The following MRTFA variants were observed in gnomAD, a reference collection of about 807,000 sequenced individuals.
The protein encoded by MRTFA is myocardin related transcription factor A.
Under a neutral mutation model 83.5 loss-of-function variants are expected in MRTFA, and 20 were observed. That is an observed-to-expected ratio of 0.24 (90% CI 0.17 to 0.35). MRTFA has a LOEUF of 0.35. MRTFA is among the 10% of genes least tolerant of loss of function. The pLI is 1.00. For synonymous variants in MRTFA, 659 were observed against 541.2 expected, an observed-to-expected ratio of 1.22 and a Z score of -3.02; for missense variants, 1,200 against 1,224.7, an observed-to-expected ratio of 0.98 and a Z score of 0.30.
chr22:40,429,306 C>G (rs1243949014), intron 7 of MRTFA: 3 of 608,890 alleles, frequency 4.9e-6, no homozygotes, highest in Non-Finnish European at 8.7e-6. Flanking sequence ...ATCCTGACAT[C>G]TATCTACTCT....
At chr22:40,620,508 A>T (rs965261269) in intron 1 of MRTFA, among the ~76,000 whole-genome samples, 19 of 144,428 alleles carry the variant, frequency 1.3e-4, no homozygotes, top group Non-Finnish European at 1.9e-4. Flanking sequence ...TCCTGACCTC[A>T]GGTGATCCAC....
intron 1 of MRTFA, among the ~76,000 whole-genome samples, chr22:40,634,423 T>C (rs2056673134): frequency 6.6e-6 from 1 of 152,210 alleles, no homozygotes; most frequent in Non-Finnish European, 1.5e-5. Context: ...CTGTTATTTC[T>C]CTTTGGAATT....
chr22:40,424,293 G>T lies in MRTFA; in HGVS notation c.690C>A (p.Ser230Arg). 6.2e-7 allele frequency: 1 copy of T among 1,612,774 alleles called. No individual in the cohort carries two copies. The highest frequency in any genetic ancestry group is 8.5e-7 in the Non-Finnish European group (1 of 1,179,506). The stretch of plus-strand genomic sequence containing the variant: ...ACGGCACAGAACCCTGGGACTCATG[G>T]CTGGCAGGCTGCTCGGGGGATAAGG... The change falls in exon 8 of 15, where the codon AGC becomes AGA. Residue 230 changes from serine (S) to arginine (R), a missense_variant. Transcript: ENST00000355630.
intron 3 of MRTFA, among the ~76,000 whole-genome samples, chr22:40,513,492 T>G (rs1185162603): frequency 1.3e-5 from 2 of 151,432 alleles, no homozygotes; most frequent in African/African-American, 4.9e-5. Context: ...TCCCAGCTAT[T>G]TGGGAGGCTA....
intron 3 of MRTFA, among the ~76,000 whole-genome samples, chr22:40,515,286 T>C (rs1481663392): frequency 6.6e-6 from 1 of 152,130 alleles, no homozygotes; most frequent in Non-Finnish European, 1.5e-5. Flanking sequence ...AGCACCCTAA[T>C]AAAATCCTGG....
chr22:40,442,492 A>G (rs1300724321), intron 4 of MRTFA, among the ~76,000 whole-genome samples: 2 of 152,240 alleles, frequency 1.3e-5, no homozygotes, highest in Admixed American at 6.5e-5. Context: ...CAAACGAGGT[A>G]GAAACTAGAA....
At position 40,418,563 on chromosome 22, in the gene MRTFA, C is replaced by T; in HGVS notation, c.2175G>A (p.Gln725=). The T allele has an allele frequency of 3.2e-6, 5 of 1,565,582 alleles. No individual in the cohort carries two copies. In the Middle Eastern group the frequency reaches 8.6e-4, roughly 271 times the overall value. The change falls in exon 12 of 15, where the codon CAG becomes CAA. Residue 725 remains glutamine (Q), a synonymous_variant. Transcript: ENST00000355630. ...GCTCGGGCTCAGGCTGCAAGGCTTC[C>T]TGCTTCACCACCACGGACGGGGGCC... is the stretch of plus-strand genomic sequence containing the variant.
chr22:40,528,376 C>T (rs148509290), intron 3 of MRTFA, among the ~76,000 whole-genome samples: 50 of 152,140 alleles, frequency 3.3e-4, no homozygotes, highest in African/African-American at 1.2e-3. Context: ...GGTAAATTTC[C>T]TCATCTTAAA....
At chr22:40,528,199 G>A (rs1342183014) in intron 3 of MRTFA, among the ~76,000 whole-genome samples, 1 of 152,210 alleles carries the variant, frequency 6.6e-6, no homozygotes, top group African/African-American at 2.4e-5. Flanking sequence ...CCAGCGGGTG[G>A]AAGGTGAATA....
chr22:40,520,547 T>C (rs1458473466), intron 3 of MRTFA, among the ~76,000 whole-genome samples: 3 of 152,088 alleles, frequency 2.0e-5, no homozygotes, highest in African/African-American at 4.8e-5. Context: ...GCTGAGACTA[T>C]AGGCACATGC....
Position 40,450,003 on chromosome 22 carries a change from G to A in MRTFA, c.307+13218C>T, listed in dbSNP as rs565021473. 2.6e-5 allele frequency among the ~76,000 whole-genome samples: 4 copies of A among 152,332 alleles called. No homozygotes were observed. The South Asian group carries it at 8.3e-4, about 32-fold the overall frequency. On this transcript the variant is annotated intron_variant, in intron 4 of 14. Coordinates refer to ENST00000355630, the MANE Select transcript of MRTFA (RefSeq NM_020831.6). Reference sequence around the variant, plus strand: ...AGCACAGAGGTTCACTGGTAGTGCAGGGAATGGAGAGGGTCCCTCACACAC... The same window carrying A: ...AGCACAGAGGTTCACTGGTAGTGCAAGGAATGGAGAGGGTCCCTCACACAC...
At chr22:40,626,485 G>T (rs1382666471) in intron 1 of MRTFA, among the ~76,000 whole-genome samples, 1 of 152,064 alleles carries the variant, frequency 6.6e-6, no homozygotes, top group Admixed American at 6.6e-5. Flanking sequence ...TAGAGACGGG[G>T]TTTTGCCATG....
intron 2 of MRTFA, among the ~76,000 whole-genome samples, chr22:40,591,113 G>A (rs774784106): frequency 9.2e-5 from 14 of 152,060 alleles, no homozygotes; most frequent in Middle Eastern, 6.3e-3. Context: ...CCAGCCTGGC[G>A]ACAGAGCGAG....
intron 14 of MRTFA, among the ~76,000 whole-genome samples, chr22:40,415,780 AG>A (rs2052665963): frequency 2.0e-5 from 3 of 151,628 alleles, no homozygotes; most frequent in Admixed American, 2.0e-4. Context: ...CCCTGCTCCC[AG>A]GCCTCTCATG....
At chr22:40,548,358 C>A (rs1450780390) in intron 3 of MRTFA, among the ~76,000 whole-genome samples, 228 of 66,086 alleles carry the variant, frequency 3.5e-3, no homozygotes, top group East Asian at 5.1e-3. Flanking sequence ...GACTCCGTCT[C>A]AAAAAAAAAA....
intron 3 of MRTFA, among the ~76,000 whole-genome samples, chr22:40,500,533 C>G (rs2054447853): frequency 6.6e-6 from 1 of 151,412 alleles, no homozygotes; most frequent in South Asian, 2.1e-4. Context: ...AGGCAGAGGA[C>G]CCTGCAGCCT....
chr22:40,458,540 T>C (rs1375379390), intron 4 of MRTFA, among the ~76,000 whole-genome samples: 1 of 152,192 alleles, frequency 6.6e-6, no homozygotes, highest in Admixed American at 6.5e-5. Context: ...GATATGACGA[T>C]GTCAGGACTG....
At chr22:40,438,307 G>T (rs1159373490) in intron 4 of MRTFA, among the ~76,000 whole-genome samples, 1 of 152,154 alleles carries the variant, frequency 6.6e-6, no homozygotes, top group African/African-American at 2.4e-5. Flanking sequence ...GTCACCAAAT[G>T]CTGTAATTTG....
intron 3 of MRTFA, among the ~76,000 whole-genome samples, chr22:40,538,849 A>G (rs1286770250): frequency 1.3e-5 from 2 of 152,180 alleles, no homozygotes; most frequent in African/African-American, 4.8e-5. Flanking sequence ...TAAGGAAATG[A>G]GAGATAATGA....
Sources: gnomAD v4.1 joint callset for allele counts (sites outside exome capture counted in the v4.1 genomes callset) on GRCh38, gnomAD v4.1.1 for gene constraint, MANE v1.5 for transcripts, NCBI Gene and HGNC (gene_info 2026-07-23, HGNC 2026-07-21) for gene names.